The following SLC38A10 variants were observed in gnomAD, a reference collection of about 807,000 sequenced individuals.
SLC38A10 encodes the protein solute carrier family 38 member 10.
In SLC38A10, 53 loss-of-function variants were observed where a neutral mutation model predicts 81.0. That is an observed-to-expected ratio of 0.65 (90% CI 0.53 to 0.82). SLC38A10 has a LOEUF of 0.82. Ranked by LOEUF, SLC38A10 falls within the 40% of genes least tolerant of loss-of-function variation. The pLI is 0.00. For missense variants in SLC38A10, 1,471 were observed against 1,545.0 expected (o/e 0.95, Z 0.80); for synonymous variants, 665 against 655.3 (o/e 1.01, Z -0.23).
At chr17:81,258,338 C>T (rs966438761) in intron 11 of SLC38A10, among the ~76,000 whole-genome samples, 16 of 152,132 alleles carry the variant, frequency 1.1e-4, no homozygotes, top group African/African-American at 1.9e-4. Flanking sequence ...ATCAGAGACA[C>T]GCTAAAAACA....
rs76211204 is a variant in SLC38A10, at chr17:81,274,343, G to A, written c.912+1626C>T. Among the ~76,000 whole-genome samples the A allele has an allele frequency of 6.8e-3, 1,037 of 152,328 alleles. 16 individuals are homozygous for A. The highest frequency in any genetic ancestry group is 0.024 in the African/African-American group (983 of 41,558). ...AAGTCTGCAGGAGGCTGTGGTGACCGCACACCTGGCCACATGGACAGTGAG... is the reference window on the plus strand; with the variant it reads ...AAGTCTGCAGGAGGCTGTGGTGACCACACACCTGGCCACATGGACAGTGAG... On this transcript the variant is annotated intron_variant, in intron 8 of 15. Coordinates refer to ENST00000374759, the MANE Select transcript of SLC38A10 (RefSeq NM_001037984.3).
At chr17:81,293,134 G>C (rs766245474) in intron 1 of SLC38A10, among the ~76,000 whole-genome samples, 2 of 152,256 alleles carry the variant, frequency 1.3e-5, no homozygotes, top group African/African-American at 2.4e-5. Flanking sequence ...CTGCACTCCA[G>C]CCTGGGTGAC....
chr17:81,290,459 C>T (rs2063301541), intron 1 of SLC38A10, among the ~76,000 whole-genome samples: 1 of 152,184 alleles, frequency 6.6e-6, no homozygotes, highest in South Asian at 2.1e-4. Flanking sequence ...CCCACCATGA[C>T]ACGGATGGGA....
intron 14 of SLC38A10, chr17:81,247,671 A>T (rs888047031): frequency 1.8e-4 from 27 of 151,440 alleles, no homozygotes; most frequent in African/African-American, 5.6e-4. Flanking sequence ...CACAAAAACA[A>T]AAAAAACAAA....
At position 81,281,242 on chromosome 17, in the gene SLC38A10, C is replaced by T. The variant is rs983477622; in HGVS notation, c.502-509G>A. Among the ~76,000 whole-genome samples the T allele has an allele frequency of 7.2e-5, 11 of 152,180 alleles. No individual in the cohort carries two copies. The highest frequency in any genetic ancestry group is 2.7e-4 in the African/African-American group (11 of 41,454). On this transcript the variant is annotated intron_variant, in intron 5 of 15. Transcript: ENST00000374759. The surrounding 1 kb of genome is among the most constrained non-coding windows in gnomAD (Gnocchi z 5.3). ...CACTGGAGACCCTGGCTTCAATGAC[C>T]ACCTGGCCTCGTCCTGGTGCAAACC...
In SLC38A10 at chr17:81,282,297, G is replaced by C; in HGVS notation, c.393C>G (p.Ala131=). Residue 131 remains alanine (A), a synonymous_variant, in exon 5 of 16, where the codon GCC becomes GCG. Transcript: ENST00000374759. The stretch of plus-strand genomic sequence containing the variant: ...GCGGGAGCACGATGCACAGCGACAC[G>C]GCGAACAGCAGGAACATGCGGAAGG... ...GGTFRMFLLF[A]VSLCIVLPLS... is the part of the protein sequence containing the mutation. 6.2e-7 allele frequency: 1 copy of C among 1,613,236 alleles called. No individual in the cohort carries two copies. Among genetic ancestry groups the C allele is most frequent in the South Asian group, 1.1e-5 (1 of 91,072 alleles).
intron 14 of SLC38A10, among the ~76,000 whole-genome samples, chr17:81,247,950 C>CTT (rs34228716): frequency 0.027 from 1,949 of 73,124 alleles, 75 homozygotes; most frequent in East Asian, 0.051. Flanking sequence ...CAAAAGCTGT[C>CTT]TTTTTTTTTT....
Position 81,260,392 on chromosome 17 carries a change from C to T in SLC38A10, c.1134G>A (p.Val378=), listed in dbSNP as rs1175833621. ...GGACGCCCAGGCCGACCCACAGCAC[C>T]ACCTGAGGAGACAAAGACCCCAGGG... ...KIHKNALSSQ[V]VLWVGLGVLV... The change falls in exon 11 of 16, where the codon GTG becomes GTA. Residue 378 remains valine, a splice_region_variant and synonymous_variant. Transcript: ENST00000374759. 1.9e-6 allele frequency: 3 copies of T among 1,610,646 alleles called. No individual in the cohort carries two copies. The highest frequency in any genetic ancestry group is 2.5e-6 in the Non-Finnish European group (3 of 1,178,900).
In SLC38A10 at chr17:81,245,848, T is replaced by A; in HGVS notation, c.3068A>T (p.Lys1023Ile). Residue 1023 changes from lysine (K) to isoleucine (I), a missense_variant, in exon 16 of 16, where the codon AAA becomes ATA. Physicochemically the swap from Lys to Ile is moderately radical, Grantham distance 102. Transcript: ENST00000374759. ...CCTCTGGCCCCCCGGGACAGCTCGT[T>A]TGAGCCCCAGCTCTGGCTCTGGCCT... ...RQRPEPELGL[K>I]RAVPGGQRPD... is the part of the protein sequence containing the mutation. 2 of 1,612,150 alleles carry A rather than the reference T, an allele frequency of 1.2e-6. No homozygotes were observed. The highest frequency in any genetic ancestry group is 1.7e-6 in the Non-Finnish European group (2 of 1,179,532).
chr17:81,271,910 G>C (rs1341891511), intron 9 of SLC38A10, among the ~76,000 whole-genome samples: 3 of 151,874 alleles, frequency 2.0e-5, no homozygotes, highest in African/African-American at 7.3e-5. Flanking sequence ...TGTATTTTTA[G>C]TAGAGACGGG....
chr17:81,246,519 G>C lies in SLC38A10; in HGVS notation c.2397C>G (p.Asn799Lys), dbSNP rs2062853410. ...CCTCAGAGTGCTCCAGGGAGCGCTGGTTAAGGTCCTGGGATGGAGCAGGGC... is the reference window on the plus strand; with the variant it reads ...CCTCAGAGTGCTCCAGGGAGCGCTGCTTAAGGTCCTGGGATGGAGCAGGGC... ...GGRPAPSQDL[N>K]QRSLEHSEGP... Residue 799 changes from asparagine (N) to lysine (K), a missense_variant, in exon 16 of 16, where the codon AAC becomes AAG. By Grantham distance (94) the Asn-to-Lys change is moderately conservative. Around this residue, in one of 2 missense-constraint regions of SLC38A10, gnomAD observed 751 missense variants for 717.4 expected, o/e 1.05. Transcript: ENST00000374759. The C allele has an allele frequency of 1.3e-6, 2 of 1,528,656 alleles. No homozygotes were observed. The highest frequency in any genetic ancestry group is 4.3e-5 in the Admixed American group (2 of 46,004). The allele number at this position is 1,528,656 out of a possible 1,614,324, so 94.7% of individuals were successfully genotyped here.
rs1484408745 is a variant in SLC38A10, at chr17:81,277,085, G to C, written c.675C>G (p.Thr225=). The C allele has an allele frequency of 6.2e-7, 1 of 1,614,104 alleles. No individual in the cohort carries two copies. The highest frequency in any genetic ancestry group is 1.1e-5 in the South Asian group (1 of 91,086). The change falls in exon 7 of 16, where the codon ACC becomes ACG. Residue 225 remains threonine (T), a synonymous_variant. Transcript: ENST00000374759. This position sits in a 1 kb window ranked among gnomAD's most constrained non-coding sequence, Gnocchi z 4.5. ...GGGAGGAAGCAAATATGGAGCTCAT[G>C]GTTTTCACTGACGGCTCATCCAGGC... The part of the protein sequence containing the change: ...YDSLDEPSVK[T]MSSIFASSLN...
chr17:81,287,960 C>A (rs973399565), intron 2 of SLC38A10, among the ~76,000 whole-genome samples: 3 of 152,256 alleles, frequency 2.0e-5, no homozygotes, highest in Admixed American at 2.0e-4. Flanking sequence ...GGGGCCCGCC[C>A]AGGCACGGTG....
chr17:81,260,364 C>T lies in SLC38A10; in HGVS notation c.1162G>A (p.Val388Met), dbSNP rs1446213366. The T allele has an allele frequency of 1.2e-6, 2 of 1,611,350 alleles. No individual in the cohort carries two copies. The highest frequency in any genetic ancestry group is 1.1e-5 in the South Asian group (1 of 90,738). Residue 388 changes from valine (V) to methionine (M), a missense_variant, in exon 11 of 16, where the codon GTG becomes ATG. Coordinates refer to ENST00000374759, the MANE Select transcript of SLC38A10 (RefSeq NM_001037984.3). ...VVLWVGLGVL[V>M]VSTVTTLSVS... is the part of the protein sequence containing the mutation. ...GACAGTGTGGTGACAGTGCTCACCA[C>T]CAGGACGCCCAGGCCGACCCACAGC...
At position 81,253,216 on chromosome 17, in the gene SLC38A10, G is replaced by C; in HGVS notation, c.1313C>G (p.Ala438Gly). ...CTTCGGCTTCTCCCGGCCATCCTCA[G>C]CCACGGCCACAACCGGATCCTGGGC... Reference protein sequence around the residue: ...LSAQDPVVAVAEDGREKPKLP... With the variant: ...LSAQDPVVAVGEDGREKPKLP... Residue 438 changes from alanine to glycine, a missense_variant, in exon 12 of 16, where the codon GCT becomes GGT. Around this residue, in one of 2 missense-constraint regions of SLC38A10, gnomAD observed 720 missense variants for 827.7 expected, o/e 0.87. Coordinates refer to ENST00000374759, the MANE Select transcript of SLC38A10 (RefSeq NM_001037984.3). The surrounding 1 kb of genome is among the most constrained non-coding windows in gnomAD (Gnocchi z 4.1). The C allele has an allele frequency of 4.3e-6, 7 of 1,613,592 alleles. No individual in the cohort carries two copies. The highest frequency in any genetic ancestry group is 1.3e-5 in the African/African-American group (1 of 75,028).
In SLC38A10 at chr17:81,294,839, G is replaced by A; in HGVS notation, c.83C>T (p.Pro28Leu). ...SIVGVSVLTM[P>L]FCFKQCGIVL... is the part of the protein sequence containing the mutation. ...CGGACTCACCTGTTTGAAGCAGAAG[G>A]GCATGGTGAGGACACTGACCCCTAC... is the stretch of plus-strand genomic sequence containing the variant. The change falls in exon 1 of 16, where the codon CCC (proline) becomes CTC (leucine). Residue 28 changes from proline (P) to leucine (L), a missense_variant. By Grantham distance (98) the Pro-to-Leu change is moderately conservative. Transcript: ENST00000374759. 3 of 1,594,850 alleles carry A rather than the reference G, an allele frequency of 1.9e-6. No individual in the cohort carries two copies. The highest frequency in any genetic ancestry group is 1.7e-4 in the Middle Eastern group (1 of 6,018).
intron 10 of SLC38A10, among the ~76,000 whole-genome samples, chr17:81,266,782 G>A (rs1037333418): frequency 1.1e-4 from 16 of 152,242 alleles, no homozygotes; most frequent in Admixed American, 3.9e-4. Context: ...CTGAGCAGGA[G>A]AGTTCGCAAG....
intron 14 of SLC38A10, 97 bp downstream of exon 14, chr17:81,251,396 G>T (rs769364116): frequency 6.2e-7 from 1 of 1,612,072 alleles, no homozygotes; most frequent in Admixed American, 1.7e-5. Flanking sequence ...GGGCCTGGCA[G>T]GGCTCCCGAG....
At chr17:81,290,027 G>A (rs55986317) in intron 1 of SLC38A10, among the ~76,000 whole-genome samples, 18,085 of 152,192 alleles carry the variant, frequency 0.12, 1,078 homozygotes, top group African/African-American at 0.15. Flanking sequence ...CAGAGCACAG[G>A]GGTGCCATCT....
Sources: gnomAD v4.1 joint callset for allele counts (sites outside exome capture counted in the v4.1 genomes callset) on GRCh38, gnomAD v4.1.1 for gene constraint, gnomAD v4.1.1 regional missense constraint, Gnocchi (gnomAD v3.1) non-coding constraint, MANE v1.5 for transcripts, NCBI Gene and HGNC (gene_info 2026-07-23, HGNC 2026-07-21) for gene names.